The following ARHGAP24 variants were observed in gnomAD, a reference collection of about 807,000 sequenced individuals.
ARHGAP24 encodes Rho GTPase activating protein 24.
Under a neutral mutation model 76.4 loss-of-function variants are expected in ARHGAP24, and 50 were observed. The observed-to-expected ratio is 0.65, with a 90% confidence interval of 0.52 to 0.83. ARHGAP24 has a LOEUF of 0.83. Ranked by LOEUF, ARHGAP24 falls within the 40% of genes least tolerant of loss-of-function variation. ARHGAP24 has a pLI of 0.00. For missense variants in ARHGAP24, 930 were observed against 914.2 expected, an observed-to-expected ratio of 1.02 and a Z score of -0.22; for synonymous variants, 345 against 323.3, an observed-to-expected ratio of 1.07 and a Z score of -0.72.
At chr4:85,716,313 A>G (rs1482086) in intron 2 of ARHGAP24, among the ~76,000 whole-genome samples, 145,925 of 152,148 alleles carry the variant, frequency 0.96, 70,289 homozygotes, top group East Asian at 1. Flanking sequence ...GTGTGGTTAC[A>G]AATTGTGTCG....
chr4:85,665,676 T>C (rs189297605), intron 2 of ARHGAP24, among the ~76,000 whole-genome samples: 3,816 of 152,266 alleles, frequency 0.025, 151 homozygotes, highest in African/African-American at 0.086. Context: ...CCATGTTTAG[T>C]GCTTCCTTCA....
intron 2 of ARHGAP24, among the ~76,000 whole-genome samples, chr4:85,649,037 T>TGTGTG (rs199528525): frequency 0.028 from 3,118 of 111,094 alleles, 108 homozygotes; most frequent in African/African-American, 0.096. Context: ...GTGTGTGTGT[T>TGTGTG]TGTGTGTGTG....
rs149545637 is a variant in ARHGAP24, at chr4:85,819,750, G to C, written c.268+97778G>C. Among the ~76,000 whole-genome samples the C allele has an allele frequency of 9.0e-3, 1,376 of 152,068 alleles. 24 individuals carry two copies. Among genetic ancestry groups the C allele is most frequent in the African/African-American group, 0.031 (1,292 of 41,424 alleles). On this transcript the variant is annotated intron_variant, in intron 3 of 9. Coordinates refer to ENST00000395184, the MANE Select transcript of ARHGAP24 (RefSeq NM_001025616.3). ...CCTGGCCAACTTGGTGAAACCCCAT[G>C]TCTACTTGAAATACAAAAAATTAGC...
At chr4:85,978,955 A>G (rs974243564) in intron 8 of ARHGAP24, among the ~76,000 whole-genome samples, 1 of 152,092 alleles carries the variant, frequency 6.6e-6, no homozygotes, top group African/African-American at 2.4e-5. Flanking sequence ...TTTACTTGAT[A>G]CCTTTTAAGA....
At chr4:85,868,994 A>G (rs1406633613) in intron 3 of ARHGAP24, among the ~76,000 whole-genome samples, 1 of 151,938 alleles carries the variant, frequency 6.6e-6, no homozygotes, top group East Asian at 1.9e-4. Flanking sequence ...TCATACTTGT[A>G]TATCTTTTGA....
chr4:85,692,876 C>G (rs1723720973), intron 2 of ARHGAP24, among the ~76,000 whole-genome samples: 1 of 152,188 alleles, frequency 6.6e-6, no homozygotes, highest in Non-Finnish European at 1.5e-5. Context: ...GACACTCTTG[C>G]TTTTTGAATT....
chr4:85,842,845 G>T (rs1211997011), intron 3 of ARHGAP24, among the ~76,000 whole-genome samples: 1 of 152,224 alleles, frequency 6.6e-6, no homozygotes, highest in Admixed American at 6.5e-5. Context: ...CATCGTGTAA[G>T]TTGTCTCATT....
chr4:85,964,642 C>T lies in ARHGAP24; in HGVS notation c.600-7394C>T, dbSNP rs186468691. Among the ~76,000 whole-genome samples, 7 of 152,112 alleles carry T rather than the reference C, an allele frequency of 4.6e-5. No individual in the cohort carries two copies. The East Asian group carries it at 1.2e-3, about 25-fold the overall frequency. ...AGAAACATTGAAATAGAGACTTACT[C>T]ATGGGAAATATTAGTCAGAGATAGA... On this transcript the variant is annotated intron_variant, in intron 5 of 9. Transcript: ENST00000395184.
At chr4:85,499,105 T>C (rs541615478) in intron 1 of ARHGAP24, among the ~76,000 whole-genome samples, 13 of 152,306 alleles carry the variant, frequency 8.5e-5, no homozygotes, top group African/African-American at 3.1e-4. Context: ...GGTTATCACT[T>C]TCATTAGACC....
intron 2 of ARHGAP24, among the ~76,000 whole-genome samples, chr4:85,669,666 TATATA>T (rs1192405361): frequency 1.6e-5 from 1 of 63,514 alleles, no homozygotes; most frequent in Admixed American, 2.2e-4. Flanking sequence ...TATATATATA[TATATA>T]TATATATATA....
chr4:85,741,567 T>C lies in ARHGAP24; in HGVS notation c.268+19595T>C, dbSNP rs1040830147. Among the ~76,000 whole-genome samples, 6 of 152,340 alleles carry C rather than the reference T, an allele frequency of 3.9e-5. No homozygotes were observed. The South Asian group carries it at 8.3e-4, about 21-fold the overall frequency. On this transcript the variant is annotated intron_variant, in intron 3 of 9. Transcript: ENST00000395184. ...TGTATGGCTTGGAGACAGGCAGGAA[T>C]GCCAAAAAGCTGGTAGATGATGGCA...
intron 1 of ARHGAP24, among the ~76,000 whole-genome samples, chr4:85,555,333 G>C (rs971424): frequency 0.82 from 125,281 of 152,070 alleles, 54,020 homozygotes; most frequent in East Asian, 0.98. Context: ...TGTTTTTGGA[G>C]GGTTGAGGCT....
chr4:85,636,202 C>T (rs577283404), intron 2 of ARHGAP24, among the ~76,000 whole-genome samples: 1 of 151,744 alleles, frequency 6.6e-6, no homozygotes, highest in Admixed American at 6.6e-5. Context: ...TTTAACGCAT[C>T]ATCTCTCTTT....
intron 3 of ARHGAP24, among the ~76,000 whole-genome samples, chr4:85,882,045 A>T (rs1378754090): frequency 6.6e-6 from 1 of 152,166 alleles, no homozygotes; most frequent in African/African-American, 2.4e-5. Context: ...TTGGAATTTG[A>T]TGGGGGAAAT....
chr4:85,664,176 C>G (rs1386259833), intron 2 of ARHGAP24, among the ~76,000 whole-genome samples: 1 of 151,444 alleles, frequency 6.6e-6, no homozygotes, highest in Non-Finnish European at 1.5e-5. Context: ...TTGATTATTG[C>G]CACAATTTCA....
At chr4:85,899,211 TA>T (rs1659984507) in intron 3 of ARHGAP24, among the ~76,000 whole-genome samples, 2 of 151,996 alleles carry the variant, frequency 1.3e-5, no homozygotes, top group South Asian at 4.1e-4. Flanking sequence ...AAAGAAAAAA[TA>T]TTTGAAGGGA....
chr4:85,895,995 G>A (rs558556713), intron 3 of ARHGAP24, among the ~76,000 whole-genome samples: 2 of 152,242 alleles, frequency 1.3e-5, no homozygotes, highest in East Asian at 1.9e-4. Context: ...AGGGTACTTC[G>A]CCATAAAGTT....
chr4:85,667,478 T>C (rs113489925), intron 2 of ARHGAP24, among the ~76,000 whole-genome samples: 4,449 of 152,260 alleles, frequency 0.029, 200 homozygotes, highest in African/African-American at 0.1. Flanking sequence ...TGGCCTGCTT[T>C]GGCTCACACA....
intron 8 of ARHGAP24, among the ~76,000 whole-genome samples, chr4:85,979,299 G>T (rs346474): frequency 0.66 from 99,606 of 152,052 alleles, 33,886 homozygotes; most frequent in African/African-American, 0.83. Flanking sequence ...TAATTATGTG[G>T]TTTTTTCAAC....
Sources: allele counts gnomAD v4.1 joint callset (sites outside exome capture counted in the v4.1 genomes callset), GRCh38; gene constraint gnomAD v4.1.1; transcripts MANE v1.5; gene names NCBI Gene and HGNC (gene_info 2026-07-23, HGNC 2026-07-21).